Variants in ATP11C observed in about 807,000 individuals in gnomAD.
ATP11C encodes the protein ATPase phospholipid transporting 11C (ATP11C blood group).
A neutral mutation model predicts 97.4 loss-of-function variants in ATP11C; 36 were observed. That is an observed-to-expected ratio of 0.37 (90% CI 0.28 to 0.49). The LOEUF (loss-of-function observed/expected upper bound fraction) is 0.49. Ranked by LOEUF, ATP11C falls within the 20% of genes least tolerant of loss-of-function variation. ATP11C has a pLI of 0.98. For synonymous variants in ATP11C, 275 were observed against 290.9 expected (o/e 0.95, Z 0.56); for missense variants, 730 against 824.6 (o/e 0.89, Z 1.40).
intron 7 of ATP11C, 40 bp downstream of exon 7, chrX:139,802,196 G>A: frequency 1.0e-6 from 1 of 976,964 alleles, no homozygotes. Flanking sequence ...GAGAAGCAGA[G>A]CCAACAAACA....
At chrX:139,759,379 G>A (rs1007737164) in intron 22 of ATP11C, among the ~76,000 whole-genome samples, 3 of 112,192 alleles carry the variant, frequency 2.7e-5, no homozygotes, top group African/African-American at 9.7e-5. Flanking sequence ...AATAGGACAT[G>A]TTGATGGCAG....
In ATP11C at chrX:139,787,209, T is replaced by C. The variant is rs17281983; in HGVS notation, c.1556A>G (p.Tyr519Cys). The part of the protein sequence containing the change: ...GFTFLGNRNG[Y>C]MRVENQRKEI... ...TTTTCTTTGGTTCTCTACTCTCATA[T>C]ATCCATTTCGATTTCCTAAAAATGT... The change falls in exon 15 of 30, where the codon TAT (tyrosine) becomes TGT (cysteine). Residue 519 changes from tyrosine to cysteine, a missense_variant. Coordinates refer to ENST00000682941, the MANE Select transcript of ATP11C (RefSeq NM_001353812.2). The C allele has an allele frequency of 0.018, 21,826 of 1,191,448 alleles. 479 individuals are homozygous for C. The highest frequency in any genetic ancestry group is 0.14 in the East Asian group (4,682 of 33,587).
intron 3 of ATP11C, among the ~76,000 whole-genome samples, 180 bp downstream of exon 3, chrX:139,819,158 A>G (rs2083349537): frequency 8.9e-6 from 1 of 112,364 alleles, no homozygotes; most frequent in African/African-American, 3.2e-5. Flanking sequence ...GTAAAAACAC[A>G]ACTTTAGAAA....
intron 12 of ATP11C, among the ~76,000 whole-genome samples, chrX:139,795,269 G>C (rs1344770039): frequency 8.9e-6 from 1 of 111,915 alleles, no homozygotes; most frequent in African/African-American, 3.2e-5. Context: ...GGTATCTGGA[G>C]AGTCCTTTCT....
intron 1 of ATP11C, among the ~76,000 whole-genome samples, chrX:139,923,984 T>C (rs895748346): frequency 9.0e-6 from 1 of 111,555 alleles, no homozygotes; most frequent in African/African-American, 3.3e-5. Flanking sequence ...TAGTCTTCTT[T>C]GACAAAATAC....
chrX:139,761,216 A>G (rs2082030772), intron 22 of ATP11C, among the ~76,000 whole-genome samples: 1 of 111,339 alleles, frequency 9.0e-6, no homozygotes, highest in Non-Finnish European at 1.9e-5. Context: ...GGCTACAGTG[A>G]GCCGAGATCG....
intron 22 of ATP11C, 89 bp downstream of exon 22, chrX:139,761,871 TA>T (rs377533132): frequency 0.13 from 59,286 of 464,575 alleles, no homozygotes; most frequent in East Asian, 0.16. Context: ...AAAGCAGCAT[TA>T]AAAAAAAAAA....
intron 19 of ATP11C, among the ~76,000 whole-genome samples, chrX:139,770,306 A>G (rs978354939): frequency 4.4e-5 from 5 of 112,455 alleles, no homozygotes; most frequent in Admixed American, 9.4e-5. Flanking sequence ...ATTGAGACAT[A>G]TCCACACAGG....
intron 22 of ATP11C, among the ~76,000 whole-genome samples, chrX:139,760,280 A>C (rs2148668244): frequency 8.9e-6 from 1 of 111,989 alleles, no homozygotes; most frequent in Non-Finnish European, 1.9e-5. Flanking sequence ...CTCACAAAAT[A>C]CCTTACACAT....
chrX:139,891,197 C>CAAA (rs35280856), intron 1 of ATP11C, among the ~76,000 whole-genome samples: 253 of 34,928 alleles, frequency 7.2e-3, no homozygotes, highest in Middle Eastern at 0.016. Flanking sequence ...AGAGATTGGC[C>CAAA]AAAAAAAAAA....
intron 2 of ATP11C, among the ~76,000 whole-genome samples, chrX:139,819,647 A>G (rs1055691131): frequency 6.2e-5 from 7 of 112,560 alleles, no homozygotes; most frequent in African/African-American, 2.3e-4. Flanking sequence ...CATTACAATA[A>G]CCATCTAGTC....
At chrX:139,774,239 C>T (rs12688705) in intron 19 of ATP11C, among the ~76,000 whole-genome samples, 5,653 of 111,390 alleles carry the variant, frequency 0.051, 240 homozygotes, top group East Asian at 0.29. Flanking sequence ...AAAGTGGCCA[C>T]GTTAACAAGT....
At chrX:139,827,456 C>T (rs1436242349) in intron 1 of ATP11C, among the ~76,000 whole-genome samples, 1 of 111,388 alleles carries the variant, frequency 9.0e-6, no homozygotes, top group Non-Finnish European at 1.9e-5. Flanking sequence ...TTTCTCATGC[C>T]CCTTTTACAT....
chrX:139,776,418 G>A (rs1189051221), intron 18 of ATP11C, among the ~76,000 whole-genome samples: 3 of 111,899 alleles, frequency 2.7e-5, no homozygotes, highest in Non-Finnish European at 5.6e-5. Context: ...CATTTTGGTG[G>A]CAACCATCAG....
intron 1 of ATP11C, among the ~76,000 whole-genome samples, chrX:139,863,087 GC>G (rs1011203110): frequency 3.6e-5 from 4 of 111,451 alleles, no homozygotes; most frequent in African/African-American, 1.3e-4. Context: ...AGTTGGGTCT[GC>G]CAAAATTATA....
At chrX:139,922,734 GAAAT>G (rs1302265823) in intron 1 of ATP11C, among the ~76,000 whole-genome samples, 2 of 111,775 alleles carry the variant, frequency 1.8e-5, no homozygotes, top group Non-Finnish European at 3.8e-5. Flanking sequence ...AGGATTGTGA[GAAAT>G]AAATTTCTGT....
At chrX:139,758,654 T>A (rs1229064712) in intron 22 of ATP11C, among the ~76,000 whole-genome samples, 3 of 112,362 alleles carry the variant, frequency 2.7e-5, no homozygotes, top group Non-Finnish European at 3.8e-5. Flanking sequence ...GAAAGTAATG[T>A]CTTTAAGCAA....
At chrX:139,852,657 GTGGA>G (rs1315047698) in intron 1 of ATP11C, among the ~76,000 whole-genome samples, 1 of 109,810 alleles carries the variant, frequency 9.1e-6, no homozygotes, top group Non-Finnish European at 1.9e-5. Flanking sequence ...ACGGTGTTGT[GTGGA>G]TGGTGACAAG....
chrX:139,782,340 T>A (rs927755417), intron 18 of ATP11C, among the ~76,000 whole-genome samples: 5 of 108,437 alleles, frequency 4.6e-5, no homozygotes, highest in African/African-American at 1.0e-4. Flanking sequence ...AAAAAAAAAA[T>A]TAATTAAAAA....
Sources: allele counts gnomAD v4.1 joint callset (sites outside exome capture counted in the v4.1 genomes callset), GRCh38; gene constraint gnomAD v4.1.1; transcripts MANE v1.5; gene names NCBI Gene and HGNC (gene_info 2026-07-23, HGNC 2026-07-21).